The following CLMP variants were observed in gnomAD, a reference collection of about 807,000 sequenced individuals.
CLMP encodes the protein CXADR-like membrane protein.
In CLMP, 27 loss-of-function variants were observed where a neutral mutation model predicts 45.2. That is an observed-to-expected ratio of 0.60 (90% CI 0.44 to 0.82). The LOEUF (loss-of-function observed/expected upper bound fraction) is 0.82, where lower values mean the gene tolerates loss of function less well. Ranked by LOEUF, CLMP falls within the 40% of genes least tolerant of loss-of-function variation. CLMP has a pLI of 0.00. For synonymous variants in CLMP, 167 were observed against 171.4 expected (o/e 0.97, Z 0.20); for missense variants, 403 against 448.4 (o/e 0.90, Z 0.91).
intron 5 of CLMP, among the ~76,000 whole-genome samples, chr11:123,078,648 G>GT (rs72256215): frequency 0.028 from 3,756 of 131,980 alleles, 99 homozygotes; most frequent in East Asian, 0.16. Context: ...GGTTTTTTTT[G>GT]TTTTTTTTTT....
chr11:123,189,860 G>A (rs11219056), intron 1 of CLMP, among the ~76,000 whole-genome samples: 12,149 of 152,042 alleles, frequency 0.08, 1,549 homozygotes, highest in African/African-American at 0.27. Flanking sequence ...AAATTAGCTG[G>A]GCGTGATGGT....
Position 123,194,926 on chromosome 11 carries a change from A to G in CLMP, c.15T>C (p.Leu5=). The part of the protein sequence containing the change: MSLL[L]LLLLVSYYVG... ...AGAGGCACTCACCTAGCAAGAGGAG[A>G]AGGAGGAGGGACATCCCGATCCCCG... The change falls in exon 1 of 7, where the codon CTT becomes CTC. Residue 5 remains leucine (L), a synonymous_variant. Coordinates refer to ENST00000448775, the MANE Select transcript of CLMP (RefSeq NM_024769.5). 4 of 1,612,968 alleles carry G rather than the reference A, an allele frequency of 2.5e-6. No individual in the cohort carries two copies. The highest frequency in any genetic ancestry group is 1.7e-5 in the Admixed American group (1 of 59,984).
intron 1 of CLMP, among the ~76,000 whole-genome samples, chr11:123,115,239 G>A (rs978476787): frequency 1.1e-4 from 16 of 151,624 alleles, no homozygotes; most frequent in Admixed American, 8.6e-4. Flanking sequence ...GTAGAGACAA[G>A]GTCTTGCTGT....
At chr11:123,190,098 A>C (rs1281633266) in intron 1 of CLMP, among the ~76,000 whole-genome samples, 3 of 151,796 alleles carry the variant, frequency 2.0e-5, no homozygotes, top group Admixed American at 2.0e-4. Context: ...TCCATGCTTG[A>C]GGCTGTTCTG....
At chr11:123,174,304 G>A (rs924221844) in intron 1 of CLMP, among the ~76,000 whole-genome samples, 1 of 152,072 alleles carries the variant, frequency 6.6e-6, no homozygotes, top group Non-Finnish European at 1.5e-5. Context: ...GCTTAAAAGT[G>A]TTCTGTTTCA....
rs1304412369 is a variant in CLMP, at chr11:123,070,763, G to C, written c.*2711C>G. 6.6e-6 allele frequency: 1 copy of C among 152,206 alleles called. No homozygotes were observed. The highest frequency in any genetic ancestry group is 1.5e-5 in the Non-Finnish European group (1 of 68,040). The allele number at this position is 152,206 out of a possible 1,614,324, so 9.4% of individuals were successfully genotyped here. The stretch of plus-strand genomic sequence containing the variant: ...AGGAATAAAAATGTAGTTAGAGTAA[G>C]GGGTTTTATATTTTACAATGAGACA... On this transcript the variant is annotated 3_prime_UTR_variant, in exon 7 of 7. Transcript: ENST00000448775.
chr11:123,077,973 G>A lies in CLMP; in HGVS notation c.680-3130C>T, dbSNP rs556258521. Among the ~76,000 whole-genome samples, 43 of 152,232 alleles carry A rather than the reference G, an allele frequency of 2.8e-4. 1 individual carries two copies. Among genetic ancestry groups the A allele is most frequent in the Admixed American group, 2.0e-3 (31 of 15,284 alleles). On this transcript the variant is annotated intron_variant, in intron 5 of 6. Transcript: ENST00000448775. Reference sequence around the variant, plus strand: ...AATGCAAAAATCAGCTGGGTGTGGTGTGCAGGCCTGTAATCCTAGCTCCTC... The same window carrying A: ...AATGCAAAAATCAGCTGGGTGTGGTATGCAGGCCTGTAATCCTAGCTCCTC...
chr11:123,083,930 G>A, intron 3 of CLMP, 83 bp from the exon 4 acceptor site: 1 of 1,498,620 alleles, frequency 6.7e-7, no homozygotes, highest in Non-Finnish European at 9.1e-7. Context: ...ATGTCCTATT[G>A]AGTTGCTTCT....
At position 123,071,478 on chromosome 11, in the gene CLMP, T is replaced by G. The variant is rs368025887; in HGVS notation, c.*1996A>C. ...AGCCAGGTGCAGTGGCTTCCAGCAC[T>G]GTGGGAGGCCAAGGGTGGGTAGGTC... On this transcript the variant is annotated 3_prime_UTR_variant, in exon 7 of 7. Coordinates refer to ENST00000448775, the MANE Select transcript of CLMP (RefSeq NM_024769.5). 4.0e-5 allele frequency: 6 copies of G among 151,796 alleles called. No homozygotes were observed. The East Asian group carries it at 9.7e-4, about 25-fold the overall frequency. 9.4% of individuals were successfully genotyped at this position (151,796 alleles called of 1,614,324 possible). A position where few individuals can be genotyped will look rare whatever the true frequency, so the allele number is the denominator to read the frequency against.
chr11:123,148,577 G>C (rs1398566020), intron 1 of CLMP, among the ~76,000 whole-genome samples: 1 of 152,212 alleles, frequency 6.6e-6, no homozygotes, highest in African/African-American at 2.4e-5. Flanking sequence ...CAGATGGGAA[G>C]GGTATTGGAT....
rs535738509 is a variant in CLMP at position 123,158,504 on chromosome 11, T to A, written c.28+36409A>T. Among the ~76,000 whole-genome samples, 10 of 152,286 alleles carry A rather than the reference T, an allele frequency of 6.6e-5. No individual in the cohort carries two copies. In the South Asian group the frequency reaches 2.1e-3, roughly 32 times the overall value. On this transcript the variant is annotated intron_variant, in intron 1 of 6. Transcript: ENST00000448775. Reference sequence around the variant, plus strand: ...GGCCTGATGCCTTTGCAGCCCTGGGTGGACCTGCCCTCCTCTATGGGCCTC... The same window carrying A: ...GGCCTGATGCCTTTGCAGCCCTGGGAGGACCTGCCCTCCTCTATGGGCCTC...
chr11:123,089,154 G>A (rs1162236552), intron 2 of CLMP, among the ~76,000 whole-genome samples: 11 of 151,954 alleles, frequency 7.2e-5, no homozygotes, highest in Admixed American at 7.2e-4. Flanking sequence ...GGAGGCCAAG[G>A]CAGGCAGATC....
At position 123,154,099 on chromosome 11, in the gene CLMP, T is replaced by C. The variant is rs532064935; in HGVS notation, c.28+40814A>G. 1.1e-3 allele frequency among the ~76,000 whole-genome samples: 162 copies of C among 152,282 alleles called. 1 individual carries two copies. Among genetic ancestry groups the C allele is most frequent in the African/African-American group, 3.6e-3 (150 of 41,566 alleles). On this transcript the variant is annotated intron_variant, in intron 1 of 6. Coordinates refer to ENST00000448775, the MANE Select transcript of CLMP (RefSeq NM_024769.5). The stretch of plus-strand genomic sequence containing the variant: ...TGACCTTCCAGCCAATAAATGAGGT[T>C]GATGGCCCACACCAGGATGAGTATG...
intron 1 of CLMP, among the ~76,000 whole-genome samples, chr11:123,187,286 T>A (rs1861848371): frequency 6.6e-6 from 1 of 152,202 alleles, no homozygotes; most frequent in Non-Finnish European, 1.5e-5. Context: ...ATGGAAGCCG[T>A]GTGCGCCTTC....
intron 1 of CLMP, among the ~76,000 whole-genome samples, chr11:123,150,484 G>GGA (rs1861308926): frequency 3.0e-5 from 1 of 33,092 alleles, no homozygotes; most frequent in Admixed American, 3.2e-4. Flanking sequence ...AGAAAGAAAG[G>GGA]AAGGAAGGAA....
chr11:123,164,495 G>C (rs748766545), intron 1 of CLMP, among the ~76,000 whole-genome samples: 51 of 152,004 alleles, frequency 3.4e-4, no homozygotes, highest in Non-Finnish European at 1.0e-4. Context: ...GTAGAGACAG[G>C]GTTTCGTCAT....
intron 1 of CLMP, among the ~76,000 whole-genome samples, chr11:123,109,703 G>T (rs1409871357): frequency 6.6e-6 from 1 of 152,196 alleles, no homozygotes; most frequent in Non-Finnish European, 1.5e-5. Context: ...CACAAGTCCA[G>T]GGTGGGAAAG....
At chr11:123,132,450 C>T (rs1370376174) in intron 1 of CLMP, among the ~76,000 whole-genome samples, 1 of 151,864 alleles carries the variant, frequency 6.6e-6, no homozygotes, top group Non-Finnish European at 1.5e-5. Context: ...TTGTCTCTCT[C>T]ATTTTATTTT....
At chr11:123,176,620 C>G (rs143535031) in intron 1 of CLMP, among the ~76,000 whole-genome samples, 29 of 152,302 alleles carry the variant, frequency 1.9e-4, no homozygotes, top group Admixed American at 1.5e-3. Context: ...CTCCTTAGCA[C>G]CAGCTGGGGC....
Sources: gnomAD v4.1 joint callset for allele counts (sites outside exome capture counted in the v4.1 genomes callset) on GRCh38, gnomAD v4.1.1 for gene constraint, MANE v1.5 for transcripts, NCBI Gene and HGNC (gene_info 2026-07-23, HGNC 2026-07-21) for gene names.